The following METTL25 variants were observed in gnomAD, a reference collection of about 807,000 sequenced individuals.
METTL25 encodes methyltransferase like 25.
In METTL25, 64 loss-of-function variants were observed where a neutral mutation model predicts 71.6. The ratio of observed to expected loss-of-function variants is 0.89; its 90% confidence interval spans 0.73 to 1.10. The LOEUF (loss-of-function observed/expected upper bound fraction) is 1.10, where lower values mean the gene tolerates loss of function less well. METTL25 is among the 50% of genes least tolerant of loss of function. The pLI, the probability that METTL25 is intolerant of heterozygous loss-of-function variation, is 0.00. For missense variants in METTL25, 807 were observed against 707.0 expected (o/e 1.14, Z -1.60); for synonymous variants, 287 against 250.3 (o/e 1.15, Z -1.38).
chr12:82,387,043 T>G, intron 2 of METTL25, 76 bp downstream of exon 2: 1 of 1,149,254 alleles, frequency 8.7e-7, no homozygotes, highest in Non-Finnish European at 1.2e-6. Context: ...ATGTGTATCT[T>G]TCCAAAATAT....
intron 7 of METTL25, among the ~76,000 whole-genome samples, chr12:82,438,226 C>G (rs1006908774): frequency 6.6e-6 from 1 of 151,708 alleles, no homozygotes; most frequent in African/African-American, 2.4e-5. Flanking sequence ...CCAGTACTGT[C>G]TTTCAGACCT....
At chr12:82,369,179 A>C (rs923784637) in intron 1 of METTL25, among the ~76,000 whole-genome samples, 2 of 152,228 alleles carry the variant, frequency 1.3e-5, no homozygotes, top group African/African-American at 2.4e-5. Flanking sequence ...GTCAGATTAC[A>C]CTAAATTAGT....
At chr12:82,460,780 A>G (rs1430552042) in intron 9 of METTL25, among the ~76,000 whole-genome samples, 1 of 152,196 alleles carries the variant, frequency 6.6e-6, no homozygotes, top group Non-Finnish European at 1.5e-5. Context: ...ATAAAAACTA[A>G]AGAAATTTGA....
At chr12:82,414,023 A>G (rs1254648711) in intron 5 of METTL25, among the ~76,000 whole-genome samples, 1 of 151,732 alleles carries the variant, frequency 6.6e-6, no homozygotes, top group Non-Finnish European at 1.5e-5. Flanking sequence ...TATTAATATT[A>G]ATAGTGTATT....
Position 82,472,559 on chromosome 12 carries a change from C to CT in METTL25, c.1573-4084dup, listed in dbSNP as rs529434963. On this transcript the variant is annotated intron_variant, in intron 9 of 11. Transcript: ENST00000248306. ...TTTGCAGTGAGCCGAGGTCCTGCCACTGCACTCCAGCCTGGGCAATAGAGT... is the reference window on the plus strand; with the variant it reads ...TTTGCAGTGAGCCGAGGTCCTGCCACTTGCACTCCAGCCTGGGCAATAGAGT... 6.6e-5 allele frequency among the ~76,000 whole-genome samples: 10 copies of CT among 152,272 alleles called. No individual in the cohort carries two copies. The South Asian group carries it at 2.1e-3, about 32-fold the overall frequency.
chr12:82,478,960 A>C lies in METTL25; in HGVS notation c.1748A>C (p.Lys583Thr). 1 of 1,612,690 alleles carries C rather than the reference A, an allele frequency of 6.2e-7. No individual in the cohort carries two copies. The highest frequency in any genetic ancestry group is 1.3e-5 in the African/African-American group (1 of 74,976). ...QEDIAWSALVKLFDPVKSPRC... is the reference protein window; with the variant it reads ...QEDIAWSALVTLFDPVKSPRC... ...GATATTGCATGGTCTGCTCTTGTGA[A>C]GTTGTTTGATCCCGTGAAATCTCCC... Residue 583 changes from lysine (K) to threonine (T), a missense_variant, in exon 12 of 12, where the codon AAG becomes ACG. By Grantham distance (78) the Lys-to-Thr change is moderately conservative. Coordinates refer to ENST00000248306, the MANE Select transcript of METTL25 (RefSeq NM_032230.3).
At chr12:82,384,330 C>T (rs1469657991) in intron 1 of METTL25, among the ~76,000 whole-genome samples, 1 of 152,052 alleles carries the variant, frequency 6.6e-6, no homozygotes, top group Non-Finnish European at 1.5e-5. Flanking sequence ...ATAACTTTCT[C>T]ACATAACTGT....
chr12:82,420,276 G>GGTAA (rs772310236), intron 5 of METTL25, among the ~76,000 whole-genome samples: 16 of 151,958 alleles, frequency 1.1e-4, no homozygotes, highest in Non-Finnish European at 2.2e-4. Context: ...TATAATACAG[G>GGTAA]GGCTATGATT....
chr12:82,468,730 T>C (rs1157307629), intron 9 of METTL25: 1 of 152,294 alleles, frequency 6.6e-6, no homozygotes, highest in East Asian at 1.9e-4. Flanking sequence ...CCTTCTTAAC[T>C]ATAGAAAATG....
In METTL25 at chr12:82,451,390, C is replaced by T. The variant is rs982494757; in HGVS notation, c.1479-5337C>T. ...CCCCACTGCATCATATCACTGTGGT[C>T]GTGGTCATATTATTTTATATCTTTT... On this transcript the variant is annotated intron_variant, in intron 8 of 11. Transcript: ENST00000248306. 1.8e-5 allele frequency: 6 copies of T among 325,900 alleles called. No homozygotes were observed. The South Asian group carries it at 3.7e-4, about 20-fold the overall frequency. The allele number at this position is 325,900 out of a possible 1,614,324, so 20.2% of individuals were successfully genotyped here.
At chr12:82,413,977 A>T (rs1023204680) in intron 5 of METTL25, among the ~76,000 whole-genome samples, 1 of 151,420 alleles carries the variant, frequency 6.6e-6, no homozygotes, top group Non-Finnish European at 1.5e-5. Context: ...TAAAAAATTT[A>T]TAACAAATGT....
intron 1 of METTL25, among the ~76,000 whole-genome samples, chr12:82,371,405 G>A (rs1177920357): frequency 6.6e-6 from 1 of 152,146 alleles, no homozygotes; most frequent in Non-Finnish European, 1.5e-5. Context: ...ATGGACAAGG[G>A]GGCGGCTTGT....
intron 8 of METTL25, among the ~76,000 whole-genome samples, chr12:82,456,130 T>C (rs1440904558): frequency 6.6e-6 from 1 of 151,918 alleles, no homozygotes; most frequent in East Asian, 1.9e-4. Flanking sequence ...TTTTTTATCC[T>C]CTTGATTTTT....
chr12:82,403,837 T>C (rs991769119), intron 5 of METTL25, among the ~76,000 whole-genome samples: 22 of 152,294 alleles, frequency 1.4e-4, no homozygotes, highest in African/African-American at 4.6e-4. Context: ...TAGATGGTTA[T>C]TTAGTATACT....
chr12:82,422,306 ATC>A (rs1283116876), intron 5 of METTL25, among the ~76,000 whole-genome samples: 5 of 152,206 alleles, frequency 3.3e-5, no homozygotes, highest in African/African-American at 7.2e-5. Flanking sequence ...CCACATGATT[ATC>A]TCAATAGATG....
chr12:82,446,777 C>T (rs544453834), intron 8 of METTL25, among the ~76,000 whole-genome samples: 6 of 151,956 alleles, frequency 3.9e-5, no homozygotes, highest in African/African-American at 9.6e-5. Flanking sequence ...CTACCACACC[C>T]GGCTAATTTT....
Position 82,366,538 on chromosome 12 carries a change from G to A in METTL25, c.259+7714G>A, listed in dbSNP as rs145967664. ...TAATTGAACAACACAGAAAGTGTAT[G>A]TCCATGATAGATTATTCTTTTATCA... On this transcript the variant is annotated intron_variant, in intron 1 of 11. Coordinates refer to ENST00000248306, the MANE Select transcript of METTL25 (RefSeq NM_032230.3). Among the ~76,000 whole-genome samples the A allele has an allele frequency of 2.7e-3, 402 of 151,324 alleles. 1 individual carries two copies. Among genetic ancestry groups the A allele is most frequent in the African/African-American group, 9.3e-3 (386 of 41,300 alleles).
At chr12:82,400,925 T>C (rs1403348730) in intron 4 of METTL25, among the ~76,000 whole-genome samples, 1 of 152,182 alleles carries the variant, frequency 6.6e-6, no homozygotes, top group East Asian at 1.9e-4. Context: ...TTATTTTCTT[T>C]AGGGAGAGCT....
chr12:82,360,465 C>T (rs1881698125), intron 1 of METTL25, among the ~76,000 whole-genome samples: 1 of 150,938 alleles, frequency 6.6e-6, no homozygotes. Flanking sequence ...TTTTTTAGTG[C>T]TGTAAGAAAA....
Sources: gnomAD v4.1 joint callset for allele counts (sites outside exome capture counted in the v4.1 genomes callset) on GRCh38, gnomAD v4.1.1 for gene constraint, MANE v1.5 for transcripts, NCBI Gene and HGNC (gene_info 2026-07-23, HGNC 2026-07-21) for gene names.